The following KCNQ5 variants were observed in gnomAD, a reference collection of about 807,000 sequenced individuals.
The protein encoded by KCNQ5 is potassium voltage-gated channel subfamily KQT member 5.
Under a neutral mutation model 98.2 loss-of-function variants are expected in KCNQ5, and 30 were observed. The observed-to-expected ratio is 0.31, with a 90% CI of 0.23 to 0.41. The LOEUF (loss-of-function observed/expected upper bound fraction) is 0.41. Among genes scored for constraint, KCNQ5 ranks in the 10% least tolerant of loss-of-function variants. The probability of loss-of-function intolerance (pLI) is 1.00; values close to 1 mark genes in which losing one functional copy is unlikely to be tolerated. For missense variants in KCNQ5, 835 were observed against 1,182.5 expected (o/e 0.71, Z 4.31); for synonymous variants, 458 against 449.4 (o/e 1.02, Z -0.24).
At chr6:72,802,687 C>G (rs995685684) in intron 1 of KCNQ5, among the ~76,000 whole-genome samples, 1 of 152,030 alleles carries the variant, frequency 6.6e-6, no homozygotes, top group Admixed American at 6.6e-5. Context: ...TTAGAAAGAG[C>G]CCTGTAGTCT....
At chr6:72,946,816 TTA>T (rs1357057558) in intron 1 of KCNQ5, among the ~76,000 whole-genome samples, 1 of 152,216 alleles carries the variant, frequency 6.6e-6, no homozygotes, top group Non-Finnish European at 1.5e-5. Flanking sequence ...TCTCAAATAT[TTA>T]TCTCATTTAC....
At chr6:72,854,646 T>A (rs1256968712) in intron 1 of KCNQ5, among the ~76,000 whole-genome samples, 1 of 151,274 alleles carries the variant, frequency 6.6e-6, no homozygotes, top group East Asian at 2.0e-4. Flanking sequence ...TCATCTTTTT[T>A]ATAATGTCAA....
intron 7 of KCNQ5, among the ~76,000 whole-genome samples, chr6:73,113,313 G>A (rs1394385955): frequency 6.6e-6 from 1 of 152,202 alleles, no homozygotes. Context: ...TGAGCACCAA[G>A]CTCTGTCTAC....
At chr6:73,063,781 T>G (rs1375630955) in intron 3 of KCNQ5, among the ~76,000 whole-genome samples, 1 of 149,868 alleles carries the variant, frequency 6.7e-6, no homozygotes, top group African/African-American at 2.5e-5. Context: ...GATCTACACA[T>G]GGCAACAAGC....
intron 5 of KCNQ5, among the ~76,000 whole-genome samples, chr6:73,099,624 G>T (rs948965634): frequency 1.3e-5 from 2 of 152,026 alleles, no homozygotes; most frequent in Non-Finnish European, 2.9e-5. Context: ...TTCAGCAAGA[G>T]GATATAACAA....
chr6:72,969,209 A>G (rs1473964845), intron 1 of KCNQ5, among the ~76,000 whole-genome samples: 1 of 152,240 alleles, frequency 6.6e-6, no homozygotes, highest in Non-Finnish European at 1.5e-5. Flanking sequence ...ATAACCCTTT[A>G]GACAAAGGAG....
chr6:73,015,864 A>G (rs1770313534), intron 2 of KCNQ5, among the ~76,000 whole-genome samples: 1 of 152,074 alleles, frequency 6.6e-6, no homozygotes, highest in African/African-American at 2.4e-5. Flanking sequence ...ACCTGGACCA[A>G]ATACCTCCTC....
intron 1 of KCNQ5, among the ~76,000 whole-genome samples, chr6:72,891,467 T>G (rs1779055059): frequency 1.3e-5 from 2 of 152,294 alleles, no homozygotes; most frequent in Non-Finnish European, 1.5e-5. Context: ...ATTTTAATAC[T>G]CTTACCTGAT....
At chr6:72,718,000 C>A (rs1226667750) in intron 1 of KCNQ5, among the ~76,000 whole-genome samples, 3 of 152,148 alleles carry the variant, frequency 2.0e-5, no homozygotes, top group African/African-American at 7.2e-5. Flanking sequence ...ACATCATATG[C>A]CAGTCATTAC....
chr6:72,699,758 T>C (rs16882711), intron 1 of KCNQ5, among the ~76,000 whole-genome samples: 31,410 of 152,124 alleles, frequency 0.21, 4,161 homozygotes, highest in East Asian at 0.5. Flanking sequence ...TAATTTGAAC[T>C]TTGGTTAATT....
chr6:72,675,363 GA>G (rs1767357586), intron 1 of KCNQ5, among the ~76,000 whole-genome samples: 1 of 152,170 alleles, frequency 6.6e-6, no homozygotes, highest in African/African-American at 2.4e-5. Context: ...AATTCCCAGG[GA>G]AAATTAGAGA....
At chr6:73,128,051 C>A (rs944211601) in intron 9 of KCNQ5, among the ~76,000 whole-genome samples, 3 of 151,904 alleles carry the variant, frequency 2.0e-5, no homozygotes, top group Non-Finnish European at 2.9e-5. Flanking sequence ...GATGACAGAG[C>A]AAGACTCCAT....
At chr6:73,141,778 G>A (rs926470278) in intron 10 of KCNQ5, among the ~76,000 whole-genome samples, 2 of 152,190 alleles carry the variant, frequency 1.3e-5, no homozygotes, top group Non-Finnish European at 2.9e-5. Context: ...CATCAGCAAA[G>A]TGTGTGTGCA....
At chr6:72,811,913 T>C (rs1166224864) in intron 1 of KCNQ5, among the ~76,000 whole-genome samples, 2 of 152,224 alleles carry the variant, frequency 1.3e-5, no homozygotes, top group Admixed American at 6.5e-5. Flanking sequence ...GGGTTATTTC[T>C]TGATTATCTG....
intron 1 of KCNQ5, among the ~76,000 whole-genome samples, chr6:72,913,103 A>G (rs1222267811): frequency 2.0e-5 from 3 of 152,194 alleles, no homozygotes; most frequent in Non-Finnish European, 4.4e-5. Flanking sequence ...CATTTATGAT[A>G]TATACATTAA....
Position 72,938,555 on chromosome 6 carries a change from T to G in KCNQ5, c.399-65353T>G, listed in dbSNP as rs750358961. 0.019 allele frequency among the ~76,000 whole-genome samples: 18 copies of G among 960 alleles called. No individual in the cohort carries two copies. In the Admixed American group the frequency reaches 0.47, roughly 25 times the overall value. 0.6% of individuals were successfully genotyped at this position (960 alleles called of 152,430 possible). On this transcript the variant is annotated intron_variant, in intron 1 of 13. Transcript: ENST00000370398. Reference sequence around the variant, plus strand: ...CCACCACACCCGGCTAATTCTTGTATTTTTTTTTTAGTAGAGATGGGGTTT... The same window carrying G: ...CCACCACACCCGGCTAATTCTTGTAGTTTTTTTTTAGTAGAGATGGGGTTT...
intron 2 of KCNQ5, among the ~76,000 whole-genome samples, chr6:73,028,193 TC>T (rs1288865111): frequency 6.6e-6 from 1 of 152,152 alleles, no homozygotes. Flanking sequence ...CAGCAGAGTC[TC>T]CCCAGCTCCC....
At chr6:72,781,025 T>C (rs1350370525) in intron 1 of KCNQ5, among the ~76,000 whole-genome samples, 1 of 152,218 alleles carries the variant, frequency 6.6e-6, no homozygotes, top group African/African-American at 2.4e-5. Context: ...ATTCAAATAG[T>C]GTCCCTACCC....
intron 1 of KCNQ5, among the ~76,000 whole-genome samples, chr6:72,917,488 T>TATTTTATTTTA (rs1562066419): frequency 6.7e-6 from 1 of 149,760 alleles, no homozygotes; most frequent in African/African-American, 2.4e-5. Context: ...TATTTTATTT[T>TATTTTATTTTA]TTGAGATGGA....
Sources: gnomAD v4.1 joint callset for allele counts (sites outside exome capture counted in the v4.1 genomes callset) on GRCh38, gnomAD v4.1.1 for gene constraint, MANE v1.5 for transcripts, NCBI Gene and HGNC (gene_info 2026-07-23, HGNC 2026-07-21) for gene names.